Variants in ACOXL observed in about 807,000 individuals in gnomAD.
ACOXL encodes acyl-CoA oxidase like, also known as acyl-coenzyme A oxidase-like protein.
In ACOXL, 70 loss-of-function variants were observed where a neutral mutation model predicts 71.9. The ratio of observed to expected loss-of-function variants is 0.97; its 90% confidence interval spans 0.80 to 1.19. ACOXL has a LOEUF of 1.19. Ranked by LOEUF, ACOXL falls within the 50% of genes most tolerant of loss-of-function variation. The pLI is 0.00. For missense variants in ACOXL, 703 were observed against 736.3 expected (o/e 0.95, Z 0.52); for synonymous variants, 253 against 281.6 (o/e 0.90, Z 1.02).
At chr2:110,753,714 A>T (rs73956429) in intron 1 of ACOXL, among the ~76,000 whole-genome samples, 4,241 of 152,228 alleles carry the variant, frequency 0.028, 199 homozygotes, top group African/African-American at 0.095. Flanking sequence ...ATGTAATTTT[A>T]TTTCTCTTGG....
Position 110,803,123 on chromosome 2 carries a change from G to A in ACOXL, c.620+1399G>A, listed in dbSNP as rs74964393. 9.7e-4 allele frequency among the ~76,000 whole-genome samples: 148 copies of A among 152,278 alleles called. 3 individuals are homozygous for A. In the East Asian group the frequency reaches 0.028, roughly 28 times the overall value. ...AGGAAATAAAATGGAAACAATAAAA[G>A]CATCTTCACAGTTATCCTGGTGGGT... is the stretch of plus-strand genomic sequence containing the variant. On this transcript the variant is annotated intron_variant, in intron 8 of 17. Transcript: ENST00000439055.
In ACOXL at chr2:110,806,861, A is replaced by G. The variant is rs561812466; in HGVS notation, c.753+1466A>G. Among the ~76,000 whole-genome samples, 12 of 151,332 alleles carry G rather than the reference A, an allele frequency of 7.9e-5. No individual in the cohort carries two copies. In the South Asian group the frequency reaches 2.1e-3, roughly 27 times the overall value. ...GCCCTGCAGGCTCATTGGGGTCCAC[A>G]GTGGGGTTGTGTGGGGCAAGGTGTG... On this transcript the variant is annotated intron_variant, in intron 9 of 17. Coordinates refer to ENST00000439055, the MANE Select transcript of ACOXL (RefSeq NM_001142807.4).
At chr2:110,948,474 G>A (rs1430169876) in intron 12 of ACOXL, among the ~76,000 whole-genome samples, 1 of 152,084 alleles carries the variant, frequency 6.6e-6, no homozygotes, top group Non-Finnish European at 1.5e-5. Context: ...ACAGAGCCAA[G>A]GCCTGAAATA....
chr2:110,902,271 A>T (rs189602939), intron 10 of ACOXL, among the ~76,000 whole-genome samples: 1 of 152,222 alleles, frequency 6.6e-6, no homozygotes, highest in Non-Finnish European at 1.5e-5. Flanking sequence ...GGAGTTTGAG[A>T]CCAGCCTGGA....
intron 16 of ACOXL, among the ~76,000 whole-genome samples, chr2:111,079,287 G>C (rs190470393): frequency 6.6e-6 from 1 of 152,102 alleles, no homozygotes; most frequent in Non-Finnish European, 1.5e-5. Flanking sequence ...TCCATTGACT[G>C]ATTCCACATT....
In ACOXL at chr2:111,118,323, A is replaced by T; in HGVS notation, c.*507A>T. 1 of 159,148 alleles carries T rather than the reference A, an allele frequency of 6.3e-6. No homozygotes were observed. The highest frequency in any genetic ancestry group is 6.3e-5 in the Admixed American group (1 of 15,954). 9.9% of individuals were successfully genotyped at this position (159,148 alleles called of 1,614,324 possible). On this transcript the variant is annotated 3_prime_UTR_variant, in exon 18 of 18. Coordinates refer to ENST00000439055, the MANE Select transcript of ACOXL (RefSeq NM_001142807.4). ...TTCAGCAAGTGATGCTATTTCAGTG[A>T]ATCAGACGCTCTGGGGCTCTGCAAG...
At chr2:110,969,433 A>G (rs906306169) in intron 12 of ACOXL, among the ~76,000 whole-genome samples, 1 of 152,224 alleles carries the variant, frequency 6.6e-6, no homozygotes, top group Non-Finnish European at 1.5e-5. Flanking sequence ...AGCAAGATTG[A>G]CAAAGTTAAA....
In ACOXL at chr2:110,816,243, A is replaced by G. The variant is rs998293997; in HGVS notation, c.753+10848A>G. Among the ~76,000 whole-genome samples the G allele has an allele frequency of 3.3e-5, 5 of 151,442 alleles. No individual in the cohort carries two copies. In the East Asian group the frequency reaches 5.8e-4, roughly 18 times the overall value. On this transcript the variant is annotated intron_variant, in intron 9 of 17. Coordinates refer to ENST00000439055, the MANE Select transcript of ACOXL (RefSeq NM_001142807.4). Reference sequence around the variant, plus strand: ...GGATGGATGGATGGATGGATGGATGAATGGATGGATGAATGGATGTGTGGG... The same window carrying G: ...GGATGGATGGATGGATGGATGGATGGATGGATGGATGAATGGATGTGTGGG...
chr2:111,034,712 A>G (rs987772887), intron 15 of ACOXL, among the ~76,000 whole-genome samples: 6 of 152,216 alleles, frequency 3.9e-5, no homozygotes, highest in Non-Finnish European at 8.8e-5. Flanking sequence ...ATAAGGATGC[A>G]CTAAACATAA....
intron 11 of ACOXL, among the ~76,000 whole-genome samples, chr2:110,921,116 T>A (rs1465874322): frequency 5.9e-5 from 9 of 152,144 alleles, no homozygotes; most frequent in Non-Finnish European, 1.2e-4. Flanking sequence ...CATTCCCTTT[T>A]CTTTTTAATG....
intron 14 of ACOXL, among the ~76,000 whole-genome samples, chr2:111,022,021 C>G (rs1342129470): frequency 1.3e-5 from 2 of 152,000 alleles, no homozygotes; most frequent in Non-Finnish European, 2.9e-5. Flanking sequence ...TGAAAAAATA[C>G]AGAATAGAAA....
chr2:110,797,015 A>G (rs1685364168), intron 5 of ACOXL, among the ~76,000 whole-genome samples: 1 of 151,848 alleles, frequency 6.6e-6, no homozygotes, highest in African/African-American at 2.4e-5. Context: ...GTGCAGTTCC[A>G]CTCTCTGCCA....
In ACOXL at chr2:111,080,908, G is replaced by A. The variant is rs1036499375; in HGVS notation, c.1441-11957G>A. ...ACATAATCTATCACATAAACAGAAC[G>A]AATGACAAAAACCACATGATTATCT... is the stretch of plus-strand genomic sequence containing the variant. On this transcript the variant is annotated intron_variant, in intron 16 of 17. Coordinates refer to ENST00000439055, the MANE Select transcript of ACOXL (RefSeq NM_001142807.4). 8.2e-4 allele frequency among the ~76,000 whole-genome samples: 124 copies of A among 152,040 alleles called. 1 individual carries two copies. Among genetic ancestry groups the A allele is most frequent in the African/African-American group, 2.9e-3 (118 of 41,382 alleles).
chr2:110,744,506 C>G (rs1677943675), intron 1 of ACOXL, among the ~76,000 whole-genome samples: 1 of 152,096 alleles, frequency 6.6e-6, no homozygotes, highest in African/African-American at 2.4e-5. Flanking sequence ...ATTTCTTTTG[C>G]TTCCTCATCA....
intron 3 of ACOXL, 39 bp from the exon 4 acceptor site, chr2:110,793,611 A>T (rs751994538): frequency 1.3e-5 from 21 of 1,566,338 alleles, no homozygotes; most frequent in Middle Eastern, 1.7e-4. Flanking sequence ...TAGATTGCTG[A>T]CTGTTGCTAA....
chr2:111,021,789 G>T (rs1465893249), intron 14 of ACOXL, among the ~76,000 whole-genome samples: 2 of 151,880 alleles, frequency 1.3e-5, no homozygotes, highest in Non-Finnish European at 2.9e-5. Context: ...GGAAACAAGA[G>T]AGAACACCAC....
At chr2:111,079,542 C>T (rs2067785921) in intron 16 of ACOXL, among the ~76,000 whole-genome samples, 1 of 152,210 alleles carries the variant, frequency 6.6e-6, no homozygotes, top group Non-Finnish European at 1.5e-5. Flanking sequence ...ATCCTCCAGC[C>T]AGAAAGCTGA....
At chr2:111,087,973 A>G (rs567625843) in intron 16 of ACOXL, among the ~76,000 whole-genome samples, 8 of 152,228 alleles carry the variant, frequency 5.3e-5, no homozygotes, top group Non-Finnish European at 1.2e-4. Context: ...CCCATTGAAG[A>G]GTAGGCAAAG....
chr2:110,957,744 G>T (rs1402022070), intron 12 of ACOXL, among the ~76,000 whole-genome samples: 2 of 152,298 alleles, frequency 1.3e-5, no homozygotes, highest in East Asian at 3.9e-4. Flanking sequence ...GATTGTGGGA[G>T]TTAGGACTTC....
Sources: allele counts gnomAD v4.1 joint callset (sites outside exome capture counted in the v4.1 genomes callset), GRCh38; gene constraint gnomAD v4.1.1; transcripts MANE v1.5; gene names NCBI Gene and HGNC (gene_info 2026-07-23, HGNC 2026-07-21).